The following PTPN12 variants were observed in gnomAD, a reference collection of about 807,000 sequenced individuals.
PTPN12 encodes protein tyrosine phosphatase non-receptor type 12.
PTPN12 carries 29 observed loss-of-function variants against 97.6 expected under a neutral mutation model. The ratio of observed to expected loss-of-function variants is 0.30; its 90% CI spans 0.22 to 0.41. PTPN12 has a LOEUF of 0.41. PTPN12 is among the 10% of genes least tolerant of loss of function. PTPN12 has a pLI of 1.00. For missense variants in PTPN12, 819 were observed against 926.0 expected (o/e 0.88, Z 1.50); for synonymous variants, 327 against 300.4 (o/e 1.09, Z -0.91).
intron 7 of PTPN12, among the ~76,000 whole-genome samples, chr7:77,599,322 T>TTG (rs1306184308): frequency 6.7e-6 from 1 of 150,298 alleles, no homozygotes; most frequent in Non-Finnish European, 1.5e-5. Context: ...CCCGACTTTT[T>TTG]TTTTTTTTTT....
At chr7:77,551,112 G>C (rs1468903547) in intron 1 of PTPN12, among the ~76,000 whole-genome samples, 2 of 152,078 alleles carry the variant, frequency 1.3e-5, no homozygotes, top group Non-Finnish European at 2.9e-5. Flanking sequence ...CCAGGCTGGG[G>C]TGCAGGGGCA....
At chr7:77,566,884 A>G (rs891028792) in intron 1 of PTPN12, among the ~76,000 whole-genome samples, 1 of 152,162 alleles carries the variant, frequency 6.6e-6, no homozygotes. Flanking sequence ...TTAATACAGT[A>G]AATGATTAAA....
chr7:77,557,324 A>G (rs974658193), intron 1 of PTPN12, among the ~76,000 whole-genome samples: 14 of 152,096 alleles, frequency 9.2e-5, no homozygotes, highest in African/African-American at 2.9e-4. Flanking sequence ...CAGTTCATCA[A>G]TTACAGTTCA....
At chr7:77,605,409 G>GTTTTTTTTTTTTTTTTTT (rs751962814) in intron 8 of PTPN12, among the ~76,000 whole-genome samples, 5 of 95,558 alleles carry the variant, frequency 5.2e-5, no homozygotes, top group African/African-American at 2.1e-4. Flanking sequence ...TTTGTCATGA[G>GTTTTTTTTTTTTTTTTTT]TTTTTTTTTT....
intron 7 of PTPN12, among the ~76,000 whole-genome samples, chr7:77,599,544 T>C (rs749091529): frequency 6.6e-6 from 1 of 152,148 alleles, no homozygotes; most frequent in Non-Finnish European, 1.5e-5. Context: ...GCCTTTTGCA[T>C]TGGCCACCCA....
At chr7:77,602,680 C>T (rs181258011) in intron 8 of PTPN12, among the ~76,000 whole-genome samples, 4 of 151,372 alleles carry the variant, frequency 2.6e-5, no homozygotes, top group African/African-American at 7.3e-5. Context: ...TATTTTGAAA[C>T]CTAATTTTTG....
chr7:77,598,007 G>A, intron 7 of PTPN12, 106 bp downstream of exon 7: 1 of 1,432,406 alleles, frequency 7.0e-7, no homozygotes, highest in Non-Finnish European at 9.3e-7. Context: ...GTGGGAGGGT[G>A]ACTTGAGTCC....
chr7:77,615,699 T>G (rs1407279561), intron 11 of PTPN12, among the ~76,000 whole-genome samples: 1 of 152,234 alleles, frequency 6.6e-6, no homozygotes, highest in African/African-American at 2.4e-5. Context: ...TGCAGAGGTA[T>G]GATCATGCCA....
At chr7:77,546,681 T>C (rs1181120231) in intron 1 of PTPN12, among the ~76,000 whole-genome samples, 1 of 152,210 alleles carries the variant, frequency 6.6e-6, no homozygotes, top group African/African-American at 2.4e-5. Context: ...CACACTGCTA[T>C]GAAGAACTGC....
chr7:77,601,708 A>T (rs963776854), intron 8 of PTPN12, among the ~76,000 whole-genome samples: 1 of 152,176 alleles, frequency 6.6e-6, no homozygotes, highest in Non-Finnish European at 1.5e-5. Flanking sequence ...GAGATGAAAA[A>T]GTGTGTTTTA....
intron 1 of PTPN12, 151 bp downstream of exon 1, chr7:77,537,796 GC>G: frequency 1.1e-6 from 1 of 882,258 alleles, no homozygotes; most frequent in Non-Finnish European, 1.6e-6. Context: ...GGTCTCGGAG[GC>G]CAGCGGGAGG....
intron 8 of PTPN12, among the ~76,000 whole-genome samples, chr7:77,602,957 G>GTT (rs1041108682): frequency 1.1e-4 from 16 of 152,110 alleles, no homozygotes; most frequent in Admixed American, 6.5e-4. Flanking sequence ...TTTCAGTGGA[G>GTT]TTGAAGCATT....
At chr7:77,594,986 T>A (rs776523668) in intron 6 of PTPN12, among the ~76,000 whole-genome samples, 17 of 152,162 alleles carry the variant, frequency 1.1e-4, no homozygotes, top group Non-Finnish European at 2.4e-4. Flanking sequence ...GAAAATGAAT[T>A]GATTCTTGGG....
intron 1 of PTPN12, among the ~76,000 whole-genome samples, chr7:77,563,389 C>T (rs1054745303): frequency 1.3e-5 from 2 of 152,084 alleles, no homozygotes; most frequent in Non-Finnish European, 2.9e-5. Context: ...TCAGGGATGG[C>T]ATATGTGCAT....
intron 13 of PTPN12, 129 bp from the exon 14 acceptor site, chr7:77,632,219 T>G (rs898186329): frequency 2.9e-6 from 2 of 683,124 alleles, no homozygotes; most frequent in Non-Finnish European, 5.2e-6. Flanking sequence ...AAAGGTTTCT[T>G]GCATTTTTTT....
At chr7:77,544,303 C>T (rs1389513112) in intron 1 of PTPN12, among the ~76,000 whole-genome samples, 2 of 152,122 alleles carry the variant, frequency 1.3e-5, no homozygotes, top group Non-Finnish European at 2.9e-5. Context: ...TTTTCCAGTC[C>T]TTGCATTTGA....
chr7:77,585,415 A>C, intron 4 of PTPN12, 128 bp from the exon 5 acceptor site: 1 of 695,236 alleles, frequency 1.4e-6, no homozygotes, highest in Non-Finnish European at 2.4e-6. Context: ...TTTAATATTG[A>C]AACTACTTTT....
At chr7:77,584,255 T>C (rs1787615063) in intron 4 of PTPN12, among the ~76,000 whole-genome samples, 1 of 152,374 alleles carries the variant, frequency 6.6e-6, no homozygotes, top group Non-Finnish European at 1.5e-5. Context: ...TGTGAAACTT[T>C]CATTTTTGTC....
chr7:77,564,746 G>GTT (rs764476553), intron 1 of PTPN12, among the ~76,000 whole-genome samples: 624 of 45,302 alleles, frequency 0.014, 181 homozygotes, highest in Non-Finnish European at 0.019. Context: ...TTGTTGTCGT[G>GTT]TTTTTTTTTT....
Sources: allele counts gnomAD v4.1 joint callset (sites outside exome capture counted in the v4.1 genomes callset), GRCh38; gene constraint gnomAD v4.1.1; transcripts MANE v1.5; gene names NCBI Gene and HGNC (gene_info 2026-07-23, HGNC 2026-07-21).